AGMO: variants seen among roughly 807,000 people sequenced by gnomAD.
The protein encoded by AGMO is alkylglycerol monooxygenase.
In AGMO, 75 loss-of-function variants were observed where a neutral mutation model predicts 60.2. The ratio of observed to expected loss-of-function variants is 1.25; its 90% CI spans 1.03 to 1.51. The LOEUF (loss-of-function observed/expected upper bound fraction) is 1.51, where lower values mean the gene tolerates loss of function less well. Ranked by LOEUF, AGMO falls within the 40% of genes most tolerant of loss-of-function variation. The pLI, the probability that AGMO is intolerant of heterozygous loss-of-function variation, is 0.00. For synonymous variants in AGMO, 261 were observed against 177.1 expected, an observed-to-expected ratio of 1.47 and a Z score of -3.76; for missense variants, 763 against 525.5, an observed-to-expected ratio of 1.45 and a Z score of -4.42.
the AGMO span, among the ~76,000 whole-genome samples, chr7:15,138,393 T>C: frequency 9.2e-5 from 14 of 152,212 alleles, no homozygotes; most frequent in Non-Finnish European, 1.9e-4. Flanking sequence ...TGTAATTAGA[T>C]TCCACTGTGC....
intron 3 of AGMO, among the ~76,000 whole-genome samples, chr7:15,516,591 G>C (rs1205307916): frequency 6.6e-6 from 1 of 152,128 alleles, no homozygotes; most frequent in Admixed American, 6.5e-5. Flanking sequence ...AACTTCCTTT[G>C]TAAAGATGCA....
the AGMO span, among the ~76,000 whole-genome samples, chr7:15,161,755 G>C: frequency 1.3e-5 from 2 of 151,192 alleles, no homozygotes; most frequent in Non-Finnish European, 2.9e-5. Flanking sequence ...CTCCACACAC[G>C]CACACCCTAT....
intron 9 of AGMO, among the ~76,000 whole-genome samples, chr7:15,386,006 C>A (rs1783895312): frequency 6.6e-6 from 1 of 151,942 alleles, no homozygotes; most frequent in Non-Finnish European, 1.5e-5. Flanking sequence ...CATGGTGAAA[C>A]CCCATCTCTA....
intron 12 of AGMO, among the ~76,000 whole-genome samples, chr7:15,252,025 A>G (rs1782954013): frequency 6.6e-6 from 1 of 152,202 alleles, no homozygotes; most frequent in Non-Finnish European, 1.5e-5. Flanking sequence ...AGCATAGGCG[A>G]TTGTGCTTCA....
At position 15,559,799 on chromosome 7, in the gene AGMO, C is replaced by T. The variant is rs569170622; in HGVS notation, c.257+342G>A. Among the ~76,000 whole-genome samples the T allele has an allele frequency of 4.6e-5, 7 of 152,130 alleles. No individual in the cohort carries two copies. In the South Asian group the frequency reaches 1.2e-3, roughly 27 times the overall value. On this transcript the variant is annotated intron_variant, in intron 2 of 12. Transcript: ENST00000342526. ...TGTGACCTGCTCTAGGGAATGGCTA[C>T]ACCCGAGACAGCTATTCTTTCTGAA...
chr7:15,365,638 A>C lies in AGMO; in HGVS notation c.1158-19T>G. On this transcript the variant is annotated intron_variant, in intron 11 of 12. Transcript: ENST00000342526. ...CTTGGGTCTGAAATAAAATGTCATT[A>C]ACATGCATTAGCTTTAAATATGCTC... is the stretch of plus-strand genomic sequence containing the variant. 1 of 1,533,804 alleles carries C rather than the reference A, an allele frequency of 6.5e-7. No homozygotes were observed. Among genetic ancestry groups the C allele is most frequent in the Non-Finnish European group, 9.0e-7 (1 of 1,108,284 alleles).
At chr7:15,320,699 A>G (rs1260418994) in intron 12 of AGMO, among the ~76,000 whole-genome samples, 1 of 152,118 alleles carries the variant, frequency 6.6e-6, no homozygotes, top group Non-Finnish European at 1.5e-5. Flanking sequence ...ACCATCATTA[A>G]ATGAGACGAT....
intron 12 of AGMO, among the ~76,000 whole-genome samples, chr7:15,243,894 A>C (rs1381858075): frequency 6.6e-6 from 1 of 152,062 alleles, no homozygotes; most frequent in Non-Finnish European, 1.5e-5. Context: ...TCATTTTCTA[A>C]ACTTCCACTT....
chr7:15,359,502 G>A (rs1360356171), intron 12 of AGMO, among the ~76,000 whole-genome samples: 2 of 152,098 alleles, frequency 1.3e-5, no homozygotes, highest in African/African-American at 4.8e-5. Flanking sequence ...AAGAGTCAAA[G>A]TGGCCTACAT....
At chr7:15,421,840 T>A (rs1258498182) in intron 4 of AGMO, among the ~76,000 whole-genome samples, 1 of 152,090 alleles carries the variant, frequency 6.6e-6, no homozygotes, top group African/African-American at 2.4e-5. Flanking sequence ...AAATATCAAT[T>A]TTATTTAGCT....
At chr7:15,362,102 T>C (rs1782789880) in intron 12 of AGMO, among the ~76,000 whole-genome samples, 1 of 152,306 alleles carries the variant, frequency 6.6e-6, no homozygotes, top group African/African-American at 2.4e-5. Flanking sequence ...ACTGAGGCCA[T>C]TTATTAGGTT....
chr7:15,450,406 C>A (rs569252657), intron 3 of AGMO, among the ~76,000 whole-genome samples: 2 of 145,232 alleles, frequency 1.4e-5, no homozygotes, highest in Middle Eastern at 3.6e-3. Context: ...GGCAACAGAG[C>A]GAGTCTCCAT....
intron 2 of AGMO, among the ~76,000 whole-genome samples, chr7:15,547,358 A>C (rs534131606): frequency 1.3e-5 from 2 of 152,046 alleles, no homozygotes; most frequent in African/African-American, 4.8e-5. Flanking sequence ...AGCTCCCAGC[A>C]TGAGCGACGC....
the AGMO span, among the ~76,000 whole-genome samples, chr7:15,128,719 CA>C: frequency 6.6e-6 from 1 of 152,036 alleles, no homozygotes; most frequent in Non-Finnish European, 1.5e-5. Flanking sequence ...TCATTTGAAA[CA>C]GTTTAAAATG....
downstream of AGMO, among the ~76,000 whole-genome samples, chr7:15,195,777 G>T (rs756785038): frequency 6.6e-5 from 10 of 152,116 alleles, no homozygotes; most frequent in Admixed American, 3.9e-4. Flanking sequence ...AAACCTTACC[G>T]AGGACTTCCT....
chr7:15,426,755 A>T (rs1025317452), intron 4 of AGMO, among the ~76,000 whole-genome samples: 7 of 150,808 alleles, frequency 4.6e-5, no homozygotes, highest in Non-Finnish European at 7.4e-5. Context: ...CAAAAAAAAA[A>T]TTTTTTTTTT....
In AGMO at chr7:15,256,100, A is replaced by C. The variant is rs897301195; in HGVS notation, c.1264-54741T>G. 3.3e-5 allele frequency among the ~76,000 whole-genome samples: 5 copies of C among 152,140 alleles called. No individual in the cohort carries two copies. The East Asian group carries it at 9.6e-4, about 29-fold the overall frequency. ...TAGGAGGTGCTGACCAATGAGGGGG[A>C]TGTATGAAAATCAGAATTTGGAGGT... On this transcript the variant is annotated intron_variant, in intron 12 of 12. Coordinates refer to ENST00000342526, the MANE Select transcript of AGMO (RefSeq NM_001004320.2).
At chr7:15,183,570 C>G in the AGMO span, among the ~76,000 whole-genome samples, 14 of 152,240 alleles carry the variant, frequency 9.2e-5, no homozygotes, top group African/African-American at 3.1e-4. Context: ...AGAGTCAACA[C>G]TTTTGGTTCT....
chr7:15,372,472 A>C (rs1783259758), intron 10 of AGMO, among the ~76,000 whole-genome samples: 1 of 152,118 alleles, frequency 6.6e-6, no homozygotes, highest in Admixed American at 6.5e-5. Context: ...AAATAAATAA[A>C]TAAATTCTAC....
Sources: gnomAD v4.1 joint callset for allele counts (sites outside exome capture counted in the v4.1 genomes callset) on GRCh38, gnomAD v4.1.1 for gene constraint, MANE v1.5 for transcripts, NCBI Gene and HGNC (gene_info 2026-07-23, HGNC 2026-07-21) for gene names.